Variants in ARHGEF17 observed in about 807,000 individuals in gnomAD.
The protein encoded by ARHGEF17 is Rho guanine nucleotide exchange factor 17, also known as 164 kDa Rho-specific guanine-nucleotide exchange factor.
Under a neutral mutation model 174.0 loss-of-function variants are expected in ARHGEF17, and 80 were observed. The ratio of observed to expected loss-of-function variants is 0.46; its 90% CI spans 0.38 to 0.55. The LOEUF (loss-of-function observed/expected upper bound fraction) is 0.55, where lower values mean the gene tolerates loss of function less well. ARHGEF17 is among the 20% of genes least tolerant of loss of function. The pLI is 0.00. For missense variants in ARHGEF17, 2,886 were observed against 2,839.7 expected (o/e 1.02, Z -0.37); for synonymous variants, 1,311 against 1,189.1 (o/e 1.10, Z -2.11).
chr11:73,310,871 G>A lies in ARHGEF17; in HGVS notation c.2233G>A (p.Ala745Thr). The change falls in exon 1 of 21, where the codon GCC becomes ACC. Residue 745 changes from alanine (A) to threonine (T), a missense_variant. Physicochemically the swap from Ala to Thr is moderately conservative, Grantham distance 58. This residue lies in a region of ARHGEF17 where 1,728 missense variants were observed against 1,461.2 expected (regional missense o/e 1.18). Transcript: ENST00000263674. The stretch of plus-strand genomic sequence containing the variant: ...CCCAATTCCTCAGCGCCACCGGGCT[G>A]CCACCTCTGAAGAGCCTACTGGGTT... The part of the protein sequence containing the change: ...SDPIPQRHRA[A>T]TSEEPTGFSV... The A allele has an allele frequency of 6.2e-7, 1 of 1,612,214 alleles. No homozygotes were observed. Among genetic ancestry groups the A allele is most frequent in the Non-Finnish European group, 8.5e-7 (1 of 1,179,114 alleles).
intron 17 of ARHGEF17, 84 bp downstream of exon 17, chr11:73,364,323 C>T: frequency 6.3e-7 from 1 of 1,598,354 alleles, no homozygotes; most frequent in Non-Finnish European, 8.6e-7. Context: ...CTTTGGGCAA[C>T]TCCCAGGCCC....
At chr11:73,363,672 CA>C in intron 15 of ARHGEF17, 74 bp from the exon 16 acceptor site, 1 of 1,576,362 alleles carries the variant, frequency 6.3e-7, no homozygotes. Context: ...GTGCTAGGGG[CA>C]AAGAGGTGGA....
At chr11:73,361,958 T>G in intron 12 of ARHGEF17, 82 bp from the exon 13 acceptor site, 1 of 1,522,204 alleles carries the variant, frequency 6.6e-7, no homozygotes, top group Admixed American at 1.8e-5. Flanking sequence ...CTCCCTCCAT[T>G]CTGCCGGGGT....
At chr11:73,338,605 C>T (rs1397772342) in intron 1 of ARHGEF17, among the ~76,000 whole-genome samples, 1 of 152,094 alleles carries the variant, frequency 6.6e-6, no homozygotes, top group East Asian at 1.9e-4. Context: ...TGTTTACCAC[C>T]TAAACCTTCA....
rs1591765207 is a variant in ARHGEF17, at chr11:73,365,144, C to T, written c.5551-246C>T. The T allele has an allele frequency of 9.5e-6, 5 of 527,814 alleles. No homozygotes were observed. The highest frequency in any genetic ancestry group is 3.3e-5 in the East Asian group (1 of 30,084). 32.7% of individuals were successfully genotyped at this position (527,814 alleles called of 1,614,324 possible). On this transcript the variant is annotated intron_variant, in intron 18 of 20. Transcript: ENST00000263674. This position sits in a 1 kb window ranked among gnomAD's most constrained non-coding sequence, Gnocchi z 4.9. The stretch of plus-strand genomic sequence containing the variant: ...GGGAGGCCAGTGACTGATTTTAGAA[C>T]CCTTTAAGCATTGAAGTTCTCTGAT...
chr11:73,335,251 C>T (rs1865267744), intron 1 of ARHGEF17, among the ~76,000 whole-genome samples: 1 of 152,186 alleles, frequency 6.6e-6, no homozygotes, highest in Non-Finnish European at 1.5e-5. Context: ...GGGCAACCTC[C>T]CCTGCTCAGA....
At position 73,309,008 on chromosome 11, in the gene ARHGEF17, C is replaced by A; in HGVS notation, c.370C>A (p.Pro124Thr). The A allele has an allele frequency of 7.1e-7, 1 of 1,408,708 alleles. No homozygotes were observed. Among genetic ancestry groups the A allele is most frequent in the Non-Finnish European group, 9.2e-7 (1 of 1,086,156 alleles). The allele number at this position is 1,408,708 out of a possible 1,614,324, so 87.3% of individuals were successfully genotyped here. A position where few individuals can be genotyped will look rare whatever the true frequency, so the allele number is the denominator to read the frequency against. ...AAEGPARGAW[P>T]SVTEMRKLFG... is the part of the protein sequence containing the mutation. ...CGAGGGCCCAGCGCGAGGAGCCTGG[C>A]CCAGCGTCACCGAGATGCGCAAGCT... The change falls in exon 1 of 21, where the codon CCC becomes ACC. Residue 124 changes from proline to threonine, a missense_variant. Coordinates refer to ENST00000263674, the MANE Select transcript of ARHGEF17 (RefSeq NM_014786.4).
intron 1 of ARHGEF17, among the ~76,000 whole-genome samples, chr11:73,314,793 G>A (rs1210175107): frequency 1.3e-5 from 2 of 152,012 alleles, no homozygotes; most frequent in African/African-American, 4.8e-5. Flanking sequence ...AGCCTGGTTG[G>A]TCAACAACTC....
At chr11:73,337,130 A>T (rs1338665960) in intron 1 of ARHGEF17, among the ~76,000 whole-genome samples, 1 of 152,230 alleles carries the variant, frequency 6.6e-6, no homozygotes, top group Admixed American at 6.5e-5. Context: ...ACCACATTGT[A>T]AGAAGAACAT....
rs573236731 is a variant in ARHGEF17 at position 73,312,995 on chromosome 11, T to C, written c.3192+1165T>C. Among the ~76,000 whole-genome samples the C allele has an allele frequency of 1.2e-3, 185 of 152,342 alleles. 2 individuals carry two copies. Among genetic ancestry groups the C allele is most frequent in the East Asian group, 1.4e-3 (7 of 5,170 alleles). Reference sequence around the variant, plus strand: ...GTGGATTCTGAGCTGAGCTCAGCGATGGCCAGTGGTTACTTCAACTGTGGC... The same window carrying C: ...GTGGATTCTGAGCTGAGCTCAGCGACGGCCAGTGGTTACTTCAACTGTGGC... On this transcript the variant is annotated intron_variant, in intron 1 of 20. Transcript: ENST00000263674.
chr11:73,356,574 G>T, intron 6 of ARHGEF17, 135 bp from the exon 7 acceptor site: 1 of 1,265,606 alleles, frequency 7.9e-7, no homozygotes, highest in Non-Finnish European at 1.1e-6. Flanking sequence ...GGCAGCACAA[G>T]GGCATTGAGG....
intron 1 of ARHGEF17, among the ~76,000 whole-genome samples, chr11:73,332,156 C>T (rs1403697692): frequency 8.5e-5 from 13 of 152,186 alleles, no homozygotes; most frequent in Admixed American, 8.5e-4. Flanking sequence ...ATGCTTTGTT[C>T]TGGGCACTGT....
intron 2 of ARHGEF17, 120 bp from the exon 3 acceptor site, chr11:73,352,710 A>G (rs1044673867): frequency 1.6e-5 from 17 of 1,049,572 alleles, no homozygotes; most frequent in Non-Finnish European, 2.2e-5. Context: ...GAGATGTGGA[A>G]GGCAGGGCGC....
rs199951193 is a variant in ARHGEF17, at chr11:73,311,000, G to A, written c.2362G>A (p.Val788Met). The A allele has an allele frequency of 3.7e-6, 6 of 1,614,190 alleles. No homozygotes were observed. Among genetic ancestry groups the A allele is most frequent in the Non-Finnish European group, 4.2e-6 (5 of 1,180,026 alleles). ...GLTSGHSDWS[V>M]GSEESKGYQE... is the part of the protein sequence containing the mutation. ...GACCAGTGGTCACAGTGACTGGTCT[G>A]TGGGCAGTGAAGAGAGCAAGGGATA... The change falls in exon 1 of 21, where the codon GTG becomes ATG. Residue 788 changes from valine (V) to methionine (M), a missense_variant. Physicochemically the swap from Val to Met is conservative, Grantham distance 21. Around this residue, in one of 4 missense-constraint regions of ARHGEF17, gnomAD observed 1,728 missense variants for 1,461.2 expected, o/e 1.18. Transcript: ENST00000263674.
chr11:73,336,521 C>T (rs191762846), intron 1 of ARHGEF17, among the ~76,000 whole-genome samples: 2 of 152,340 alleles, frequency 1.3e-5, no homozygotes, highest in Non-Finnish European at 2.9e-5. Flanking sequence ...GGGCTACCAC[C>T]TCCATCCTCC....
chr11:73,360,197 G>T, intron 10 of ARHGEF17, 123 bp from the exon 11 acceptor site: 1 of 1,139,784 alleles, frequency 8.8e-7, no homozygotes, highest in African/African-American at 1.5e-5. Context: ...AAGGAATCCA[G>T]GTCTGAGGGA....
chr11:73,349,431 G>A (rs1865517173), intron 2 of ARHGEF17, among the ~76,000 whole-genome samples: 1 of 152,052 alleles, frequency 6.6e-6, no homozygotes, highest in South Asian at 2.1e-4. Flanking sequence ...CCTAGCCAAC[G>A]TGGTGAAACC....
intron 1 of ARHGEF17, among the ~76,000 whole-genome samples, chr11:73,316,805 T>A (rs1024288441): frequency 2.0e-5 from 3 of 152,188 alleles, no homozygotes; most frequent in African/African-American, 7.2e-5. Flanking sequence ...TGGTCTGACT[T>A]AAGCATTCAC....
At chr11:73,343,336 C>T (rs1465829218) in intron 1 of ARHGEF17, 5 of 394,622 alleles carry the variant, frequency 1.3e-5, no homozygotes, top group Non-Finnish European at 1.8e-5. Context: ...CTCAGCCGAC[C>T]CAGGAGCCAA....
Sources: allele counts gnomAD v4.1 joint callset (sites outside exome capture counted in the v4.1 genomes callset), GRCh38; gene constraint gnomAD v4.1.1; regional missense constraint gnomAD v4.1.1; non-coding constraint Gnocchi (gnomAD v3.1); transcripts MANE v1.5; gene names NCBI Gene and HGNC (gene_info 2026-07-23, HGNC 2026-07-21).